The following CLYBL variants were observed in gnomAD, a reference collection of about 807,000 sequenced individuals.
CLYBL encodes citramalyl-CoA lyase.
Under a neutral mutation model 38.9 loss-of-function variants are expected in CLYBL, and 31 were observed. That is an observed-to-expected ratio of 0.80 (90% CI 0.60 to 1.08). CLYBL has a LOEUF of 1.08. CLYBL is among the 50% of genes least tolerant of loss of function. The pLI is 0.00. For missense variants in CLYBL, 434 were observed against 411.6 expected (o/e 1.05, Z -0.47); for synonymous variants, 171 against 158.6 (o/e 1.08, Z -0.59).
intron 1 of CLYBL, among the ~76,000 whole-genome samples, chr13:99,689,338 G>A (rs368312569): frequency 2.0e-5 from 3 of 152,180 alleles, no homozygotes; most frequent in African/African-American, 7.2e-5. Context: ...ACATATACCA[G>A]TTGTAGGATG....
At chr13:99,890,799 G>T (rs1182308368) in intron 7 of CLYBL, among the ~76,000 whole-genome samples, 1 of 151,932 alleles carries the variant, frequency 6.6e-6, no homozygotes, top group Non-Finnish European at 1.5e-5. Flanking sequence ...CTTCTGTATG[G>T]GTTTACCAAC....
rs1397941308 is a variant in CLYBL at position 99,606,734 on chromosome 13, T to TGCG, written c.49_51dup (p.Ala17dup). 4.0e-6 allele frequency: 6 copies of TGCG among 1,487,000 alleles called. 1 individual carries two copies. In the East Asian group the frequency reaches 1.2e-4, roughly 29 times the overall value. The allele number at this position is 1,487,000 out of a possible 1,614,324, so 92.1% of individuals were successfully genotyped here. On this transcript the variant is annotated inframe_insertion, in exon 1 of 9. Transcript: ENST00000339105. ...TGCTGCGGAGGGCGGCGCGCGGAGC[T>TGCG]GCGGCGGCGGCGCTGCTGAGGCTGT...
rs781694493 is a variant in CLYBL, at chr13:99,866,183, T to C, written c.635-57T>C. On this transcript the variant is annotated intron_variant, in intron 5 of 8. Coordinates refer to ENST00000339105, the MANE Select transcript of CLYBL (RefSeq NM_206808.5). ...ACAAACTGAGGTTTTATAATAAATATCTGGGTGCGGTTTCCAAAGTTAAAG... is the reference window on the plus strand; with the variant it reads ...ACAAACTGAGGTTTTATAATAAATACCTGGGTGCGGTTTCCAAAGTTAAAG... The C allele has an allele frequency of 4.4e-4, 669 of 1,518,566 alleles. 2 individuals carry two copies. Among genetic ancestry groups the C allele is most frequent in the Non-Finnish European group, 5.9e-4 (647 of 1,103,026 alleles). 94.1% of individuals were successfully genotyped at this position (1,518,566 alleles called of 1,614,324 possible).
chr13:99,807,530 C>A lies in CLYBL; in HGVS notation c.249+34520C>A, dbSNP rs563867254. Among the ~76,000 whole-genome samples, 61 of 152,196 alleles carry A rather than the reference C, an allele frequency of 4.0e-4. 1 individual carries two copies. Among genetic ancestry groups the A allele is most frequent in the African/African-American group, 1.5e-3 (61 of 41,532 alleles). ...TGATACATGCTACAACATGGATGAA[C>A]CCTGAGAATATTACGCTGAGTGAAA... On this transcript the variant is annotated intron_variant, in intron 2 of 8. Transcript: ENST00000339105.
At chr13:99,859,663 T>C (rs1369172082) in intron 3 of CLYBL, among the ~76,000 whole-genome samples, 1 of 152,188 alleles carries the variant, frequency 6.6e-6, no homozygotes, top group Non-Finnish European at 1.5e-5. Flanking sequence ...TGACAGACTT[T>C]TCAGCCAATA....
At chr13:99,711,403 C>CTTTT (rs71215540) in intron 1 of CLYBL, among the ~76,000 whole-genome samples, 36 of 83,198 alleles carry the variant, frequency 4.3e-4, no homozygotes, top group Non-Finnish European at 5.1e-4. Context: ...GGGAGTCCGT[C>CTTTT]TTTTTTTTTT....
chr13:99,713,862 A>AT (rs902787896), intron 1 of CLYBL, among the ~76,000 whole-genome samples: 3 of 151,284 alleles, frequency 2.0e-5, no homozygotes, highest in Non-Finnish European at 2.9e-5. Flanking sequence ...TTTTAAATAT[A>AT]TTTTTTTGTA....
intron 1 of CLYBL, among the ~76,000 whole-genome samples, chr13:99,648,309 A>G (rs372320077): frequency 3.9e-5 from 6 of 152,350 alleles, no homozygotes; most frequent in African/African-American, 1.4e-4. Flanking sequence ...TCTCAACGCC[A>G]TGGACTATTC....
At chr13:99,774,926 T>A (rs1448338903) in intron 2 of CLYBL, among the ~76,000 whole-genome samples, 1 of 152,240 alleles carries the variant, frequency 6.6e-6, no homozygotes, top group Non-Finnish European at 1.5e-5. Flanking sequence ...TAATTCCAGT[T>A]CTGTGTGACC....
intron 7 of CLYBL, among the ~76,000 whole-genome samples, chr13:99,883,461 A>G (rs1195883981): frequency 6.6e-6 from 1 of 151,456 alleles, no homozygotes; most frequent in Non-Finnish European, 1.5e-5. Flanking sequence ...AGAGGTTCCA[A>G]TGAGCCGAGA....
intron 2 of CLYBL, among the ~76,000 whole-genome samples, chr13:99,787,508 G>T (rs2049822405): frequency 6.6e-6 from 1 of 152,140 alleles, no homozygotes; most frequent in Non-Finnish European, 1.5e-5. Context: ...ACAGATGGTT[G>T]TAGATGTGTG....
At chr13:99,762,901 G>A (rs1409202059) in intron 1 of CLYBL, among the ~76,000 whole-genome samples, 2 of 151,894 alleles carry the variant, frequency 1.3e-5, no homozygotes, top group Admixed American at 1.3e-4. Context: ...GTTAAATTTG[G>A]TTGCTAGGTT....
At chr13:99,786,006 G>A (rs557319161) in intron 2 of CLYBL, among the ~76,000 whole-genome samples, 10 of 151,770 alleles carry the variant, frequency 6.6e-5, no homozygotes, top group African/African-American at 1.7e-4. Flanking sequence ...TCTCTGCCAC[G>A]TGTGAACCTT....
chr13:99,865,739 C>T lies in CLYBL; in HGVS notation c.635-501C>T, dbSNP rs938698540. Among the ~76,000 whole-genome samples the T allele has an allele frequency of 6.6e-6, 1 of 152,226 alleles. No individual in the cohort carries two copies. The highest frequency in any genetic ancestry group is 2.4e-5 in the African/African-American group (1 of 41,454). On this transcript the variant is annotated intron_variant, in intron 5 of 8. Coordinates refer to ENST00000339105, the MANE Select transcript of CLYBL (RefSeq NM_206808.5). This position sits in a 1 kb window ranked among gnomAD's most constrained non-coding sequence, Gnocchi z 4.7. Reference sequence around the variant, plus strand: ...AGCCCTCTCAAAACAAGTGCCCTCCCGTCTCCCCAAGTTCTCCATCCAGAC... The same window carrying T: ...AGCCCTCTCAAAACAAGTGCCCTCCTGTCTCCCCAAGTTCTCCATCCAGAC...
At chr13:99,787,027 A>G (rs2049810671) in intron 2 of CLYBL, among the ~76,000 whole-genome samples, 1 of 151,814 alleles carries the variant, frequency 6.6e-6, no homozygotes, top group Non-Finnish European at 1.5e-5. Flanking sequence ...GTCTGTTCAC[A>G]TCCTTCACCC....
downstream of CLYBL, among the ~76,000 whole-genome samples, chr13:99,900,612 G>C (rs926802545): frequency 1.3e-5 from 2 of 152,070 alleles, no homozygotes; most frequent in Non-Finnish European, 2.9e-5. Flanking sequence ...TAGGGGACTT[G>C]CTCAAGGTCA....
intron 2 of CLYBL, among the ~76,000 whole-genome samples, chr13:99,800,035 A>G (rs1232735147): frequency 6.6e-6 from 1 of 152,220 alleles, no homozygotes; most frequent in Admixed American, 6.5e-5. Context: ...GGCTCCTGCC[A>G]AAAGGAAATG....
chr13:99,694,579 T>C (rs2047952186), intron 1 of CLYBL, among the ~76,000 whole-genome samples: 1 of 152,170 alleles, frequency 6.6e-6, no homozygotes, highest in Admixed American at 6.5e-5. Flanking sequence ...ACACATACCT[T>C]TACCTGTGTT....
chr13:99,890,346 T>C (rs2052457876), intron 7 of CLYBL, among the ~76,000 whole-genome samples: 1 of 152,160 alleles, frequency 6.6e-6, no homozygotes, highest in African/African-American at 2.4e-5. Flanking sequence ...TATATAAGTA[T>C]GGTAGAAGTT....
Sources: gnomAD v4.1 joint callset for allele counts (sites outside exome capture counted in the v4.1 genomes callset) on GRCh38, gnomAD v4.1.1 for gene constraint, Gnocchi (gnomAD v3.1) non-coding constraint, MANE v1.5 for transcripts, NCBI Gene and HGNC (gene_info 2026-07-23, HGNC 2026-07-21) for gene names.